Variants in CHD9 observed in about 807,000 individuals in gnomAD.
The protein encoded by CHD9 is ATP-dependent chromatin remodeler CHD9.
In CHD9, 77 loss-of-function variants were observed where a neutral mutation model predicts 316.1. The ratio of observed to expected loss-of-function variants is 0.24; its 90% confidence interval spans 0.20 to 0.29. The LOEUF is 0.29. Ranked by LOEUF, CHD9 falls within the 10% of genes least tolerant of loss-of-function variation. The pLI is 1.00. For missense variants in CHD9, 2,763 were observed against 3,438.1 expected (o/e 0.80, Z 4.91); for synonymous variants, 1,129 against 1,158.3 (o/e 0.97, Z 0.51).
At chr16:53,227,081 A>G in intron 5 of CHD9, 1 of 232,988 alleles carries the variant, frequency 4.3e-6, no homozygotes, top group Non-Finnish European at 8.3e-6. Context: ...ACTATGCCTA[A>G]ATTTCCTAAT....
At chr16:53,178,796 A>G (rs961743320) in intron 2 of CHD9, among the ~76,000 whole-genome samples, 5 of 152,146 alleles carry the variant, frequency 3.3e-5, no homozygotes, top group African/African-American at 1.2e-4. Flanking sequence ...ATGGATGACT[A>G]TAGTTTTAAA....
chr16:53,067,210 T>C (rs1194958043), intron 1 of CHD9, among the ~76,000 whole-genome samples: 1 of 152,220 alleles, frequency 6.6e-6, no homozygotes, highest in Non-Finnish European at 1.5e-5. Context: ...CCCAAAGTGT[T>C]GGGATTACAG....
chr16:53,251,873 A>G (rs1005698131), intron 17 of CHD9, among the ~76,000 whole-genome samples: 5 of 152,066 alleles, frequency 3.3e-5, no homozygotes, highest in Non-Finnish European at 7.4e-5. Context: ...TCCCCCAAAA[A>G]ATGACCCAGC....
chr16:53,092,769 ATTATTTAT>A (rs533269952), intron 1 of CHD9, among the ~76,000 whole-genome samples: 54 of 151,692 alleles, frequency 3.6e-4, no homozygotes, highest in Admixed American at 9.9e-4. Context: ...CACCTTTATT[ATTATTTAT>A]TTATTTATTT....
At chr16:53,268,220 ATAATAT>A (rs2051885712) in intron 22 of CHD9, 94 bp downstream of exon 22, 2 of 903,196 alleles carry the variant, frequency 2.2e-6, no homozygotes, top group Non-Finnish European at 1.6e-6. Flanking sequence ...AGCATTACAA[ATAATAT>A]TAAGGAACCT....
intron 2 of CHD9, among the ~76,000 whole-genome samples, chr16:53,205,904 G>T (rs1328724921): frequency 1.3e-5 from 2 of 151,820 alleles, no homozygotes; most frequent in African/African-American, 4.8e-5. Context: ...AATTAAACTT[G>T]TTATACACAC....
intron 3 of CHD9, among the ~76,000 whole-genome samples, chr16:53,215,672 A>C (rs2152888504): frequency 6.6e-6 from 1 of 152,266 alleles, no homozygotes; most frequent in East Asian, 1.9e-4. Context: ...TGTATTAATT[A>C]CAACAAATGG....
intron 1 of CHD9, among the ~76,000 whole-genome samples, chr16:53,112,945 T>C (rs943957191): frequency 6.6e-6 from 1 of 152,092 alleles, no homozygotes; most frequent in Non-Finnish European, 1.5e-5. Flanking sequence ...AAGGCTGCAG[T>C]GAACTATGAT....
chr16:53,162,695 C>A (rs2041996895), intron 2 of CHD9, among the ~76,000 whole-genome samples: 1 of 150,874 alleles, frequency 6.6e-6, no homozygotes, highest in Admixed American at 6.6e-5. Flanking sequence ...ATTATTATTT[C>A]TTTTCCTGAA....
chr16:53,105,888 G>T (rs1487259173), intron 1 of CHD9, among the ~76,000 whole-genome samples: 2 of 151,498 alleles, frequency 1.3e-5, no homozygotes, highest in African/African-American at 4.9e-5. Flanking sequence ...CAATAGCGCG[G>T]TCTTGGTCAC....
chr16:53,311,525 G>A (rs1365533239), intron 34 of CHD9: 1 of 152,200 alleles, frequency 6.6e-6, no homozygotes, highest in East Asian at 1.9e-4. Context: ...AGAATTAGAT[G>A]TTTAACAGAT....
At chr16:53,080,699 A>T (rs1796201026) in intron 1 of CHD9, among the ~76,000 whole-genome samples, 1 of 152,202 alleles carries the variant, frequency 6.6e-6, no homozygotes, top group Admixed American at 6.5e-5. Flanking sequence ...CGCACAGCCC[A>T]AACAGCTTTT....
intron 1 of CHD9, among the ~76,000 whole-genome samples, chr16:53,067,088 G>A (rs777704015): frequency 2.0e-5 from 3 of 152,034 alleles, no homozygotes; most frequent in Non-Finnish European, 4.4e-5. Flanking sequence ...GACTACAGGC[G>A]CACACCACTA....
At chr16:53,218,517 T>C (rs2046962299) in intron 3 of CHD9, among the ~76,000 whole-genome samples, 1 of 152,166 alleles carries the variant, frequency 6.6e-6, no homozygotes, top group Admixed American at 6.5e-5. Context: ...AGCTTAGTCC[T>C]TTGTCCTTAG....
intron 1 of CHD9, among the ~76,000 whole-genome samples, chr16:53,069,969 C>T (rs532873153): frequency 6.6e-6 from 1 of 152,084 alleles, no homozygotes; most frequent in East Asian, 1.9e-4. Flanking sequence ...AGTGGTATCT[C>T]ATTGTGGTTT....
intron 2 of CHD9, among the ~76,000 whole-genome samples, chr16:53,162,174 A>G (rs910353265): frequency 6.6e-6 from 1 of 152,240 alleles, no homozygotes; most frequent in South Asian, 2.1e-4. Context: ...ATTTGACTCT[A>G]GAATTTTACT....
At chr16:53,113,205 T>A (rs1032514232) in intron 1 of CHD9, among the ~76,000 whole-genome samples, 1 of 151,734 alleles carries the variant, frequency 6.6e-6, no homozygotes, top group Admixed American at 6.6e-5. Context: ...ATAAAGAACG[T>A]CAATGTGAGG....
At chr16:53,130,361 C>T (rs1329877781) in intron 1 of CHD9, among the ~76,000 whole-genome samples, 1 of 152,148 alleles carries the variant, frequency 6.6e-6, no homozygotes, top group Non-Finnish European at 1.5e-5. Context: ...CGCCCTTCCT[C>T]GGCGGACCCG....
intron 2 of CHD9, among the ~76,000 whole-genome samples, chr16:53,196,337 A>T (rs2044921462): frequency 6.6e-6 from 1 of 152,202 alleles, no homozygotes; most frequent in Admixed American, 6.5e-5. Flanking sequence ...TCCTACCCTA[A>T]TGTCCCATCC....
Sources: gnomAD v4.1 joint callset for allele counts (sites outside exome capture counted in the v4.1 genomes callset) on GRCh38, gnomAD v4.1.1 for gene constraint, MANE v1.5 for transcripts, NCBI Gene and HGNC (gene_info 2026-07-23, HGNC 2026-07-21) for gene names.